Variants in CENPP observed in about 807,000 individuals in gnomAD.
CENPP encodes centromere protein P.
A neutral mutation model predicts 35.6 loss-of-function variants in CENPP; 24 were observed. That is an observed-to-expected ratio of 0.67 (90% confidence interval 0.49 to 0.95). The LOEUF is 0.95. Among genes scored for constraint, CENPP ranks in the 40% least tolerant of loss-of-function variants. The pLI, the probability that CENPP is intolerant of heterozygous loss-of-function variation, is 0.00. For synonymous variants in CENPP, 120 were observed against 125.5 expected, an observed-to-expected ratio of 0.96 and a Z score of 0.29; for missense variants, 332 against 345.3, an observed-to-expected ratio of 0.96 and a Z score of 0.31.
At chr9:92,601,317 C>T (rs933595649) in intron 5 of CENPP, among the ~76,000 whole-genome samples, 1 of 152,138 alleles carries the variant, frequency 6.6e-6, no homozygotes, top group Admixed American at 6.5e-5. Context: ...AGCCTTGTAG[C>T]CTGGGGATTT....
chr9:92,491,825 G>A (rs1455219876), intron 5 of CENPP, among the ~76,000 whole-genome samples: 1 of 152,070 alleles, frequency 6.6e-6, no homozygotes, highest in Non-Finnish European at 1.5e-5. Context: ...TTAAACTGCT[G>A]CTTTCATGGA....
At chr9:92,555,136 C>T (rs753157071) in intron 5 of CENPP, among the ~76,000 whole-genome samples, 12 of 148,436 alleles carry the variant, frequency 8.1e-5, no homozygotes, top group African/African-American at 2.2e-4. Context: ...AGTGTCAAAA[C>T]GATTGGTATC....
chr9:92,565,548 A>G (rs1471899979), intron 5 of CENPP, among the ~76,000 whole-genome samples: 1 of 152,162 alleles, frequency 6.6e-6, no homozygotes, highest in African/African-American at 2.4e-5. Context: ...AACTGCAGAC[A>G]ATTTTTGGGG....
At chr9:92,515,822 C>T (rs958003220) in intron 5 of CENPP, among the ~76,000 whole-genome samples, 5 of 152,158 alleles carry the variant, frequency 3.3e-5, no homozygotes, top group African/African-American at 9.7e-5. Context: ...ATCTTTACTA[C>T]CTGAGACTTA....
intron 5 of CENPP, among the ~76,000 whole-genome samples, chr9:92,529,723 T>G (rs764142706): frequency 6.6e-4 from 101 of 152,302 alleles, no homozygotes; most frequent in Non-Finnish European, 1.2e-3. Flanking sequence ...AGATGGCATA[T>G]GTATGATTTC....
At chr9:92,547,567 A>G (rs13291746) in intron 5 of CENPP, among the ~76,000 whole-genome samples, 1 of 152,258 alleles carries the variant, frequency 6.6e-6, no homozygotes, top group Non-Finnish European at 1.5e-5. Context: ...GTCACAAAAG[A>G]CCACATATTG....
chr9:92,526,655 G>A (rs963700238), intron 5 of CENPP, among the ~76,000 whole-genome samples: 1 of 151,004 alleles, frequency 6.6e-6, no homozygotes, highest in Non-Finnish European at 1.5e-5. Flanking sequence ...AAAAAATCAA[G>A]AAGCCTTTAG....
In CENPP at chr9:92,615,855, T is replaced by G. The variant is rs749757732; in HGVS notation, c.*2706T>G. On this transcript the variant is annotated 3_prime_UTR_variant, in exon 8 of 8. Transcript: ENST00000375587. ...AGTTAGACCTTGTGGAGAACTAATGTGCAATCTTCGCTTTCCTTGAACCGA... is the reference window on the plus strand; with the variant it reads ...AGTTAGACCTTGTGGAGAACTAATGGGCAATCTTCGCTTTCCTTGAACCGA... 1 of 1,613,944 alleles carries G rather than the reference T, an allele frequency of 6.2e-7. No homozygotes were observed. The highest frequency in any genetic ancestry group is 8.5e-7 in the Non-Finnish European group (1 of 1,179,776).
At chr9:92,494,116 T>G (rs375600278) in intron 5 of CENPP, 2 of 1,597,898 alleles carry the variant, frequency 1.3e-6, no homozygotes, top group Non-Finnish European at 1.7e-6. Flanking sequence ...CTGATCTGTT[T>G]GTCACTGTCT....
intron 5 of CENPP, among the ~76,000 whole-genome samples, chr9:92,578,389 T>C (rs1396257484): frequency 2.0e-5 from 3 of 152,214 alleles, no homozygotes; most frequent in African/African-American, 7.2e-5. Flanking sequence ...ACTTCCACAA[T>C]GGTTGAACTA....
At chr9:92,431,431 T>C (rs1844106096) in intron 5 of CENPP, among the ~76,000 whole-genome samples, 1 of 152,234 alleles carries the variant, frequency 6.6e-6, no homozygotes, top group African/African-American at 2.4e-5. Flanking sequence ...ATTTGGTAAG[T>C]ATTCAGTGGC....
At chr9:92,366,156 G>T (rs190066490) in intron 4 of CENPP, among the ~76,000 whole-genome samples, 33 of 147,422 alleles carry the variant, frequency 2.2e-4, no homozygotes, top group South Asian at 1.5e-3. Context: ...CTCCAGCCTG[G>T]GTGACAGTAA....
chr9:92,579,569 A>C (rs1330084715), intron 5 of CENPP, among the ~76,000 whole-genome samples: 2 of 152,074 alleles, frequency 1.3e-5, no homozygotes, highest in African/African-American at 4.8e-5. Context: ...AGCAATTGTG[A>C]ATGGGAGTTC....
intron 5 of CENPP, among the ~76,000 whole-genome samples, chr9:92,462,942 C>T (rs931568919): frequency 6.6e-6 from 1 of 152,174 alleles, no homozygotes; most frequent in Non-Finnish European, 1.5e-5. Context: ...AGAATAATCT[C>T]TGGGAGAGGA....
chr9:92,532,061 A>G (rs927867), intron 5 of CENPP, among the ~76,000 whole-genome samples: 4,176 of 101,612 alleles, frequency 0.041, 94 homozygotes, highest in Middle Eastern at 0.13. Context: ...AGGTCTCACT[A>G]TGTTGCCTGG....
chr9:92,484,131 T>C (rs1214725958), intron 5 of CENPP, among the ~76,000 whole-genome samples: 1 of 152,214 alleles, frequency 6.6e-6, no homozygotes, highest in East Asian at 1.9e-4. Context: ...AAATTCAGTT[T>C]GTCCTGCACA....
chr9:92,565,813 G>A (rs1438797297), intron 5 of CENPP, among the ~76,000 whole-genome samples: 1 of 152,092 alleles, frequency 6.6e-6, no homozygotes, highest in Admixed American at 6.6e-5. Flanking sequence ...AAAGGTATTG[G>A]TCAAAATACA....
intron 5 of CENPP, among the ~76,000 whole-genome samples, chr9:92,572,992 T>C (rs1286804306): frequency 6.6e-6 from 1 of 152,198 alleles, no homozygotes. Context: ...GCCATTCGTC[T>C]AATCTTTTTT....
chr9:92,413,848 A>G (rs934494466), intron 5 of CENPP, among the ~76,000 whole-genome samples: 9 of 152,224 alleles, frequency 5.9e-5, no homozygotes. Flanking sequence ...AATGCTAATA[A>G]TTCCTCAAAG....
Sources: gnomAD v4.1 joint callset for allele counts (sites outside exome capture counted in the v4.1 genomes callset) on GRCh38, gnomAD v4.1.1 for gene constraint, MANE v1.5 for transcripts, NCBI Gene and HGNC (gene_info 2026-07-23, HGNC 2026-07-21) for gene names.